PDSS2: variants seen among roughly 807,000 people sequenced by gnomAD.
PDSS2 encodes the protein decaprenyl diphosphate synthase subunit 2.
PDSS2 carries 31 observed loss-of-function variants against 44.5 expected under a neutral mutation model. The observed-to-expected ratio is 0.70, with a 90% CI of 0.52 to 0.94. The LOEUF (loss-of-function observed/expected upper bound fraction) is 0.94. PDSS2 is among the 40% of genes least tolerant of loss of function. The pLI, the probability that PDSS2 is intolerant of heterozygous loss-of-function variation, is 0.00. For synonymous variants in PDSS2, 157 were observed against 180.3 expected (o/e 0.87, Z 1.03); for missense variants, 452 against 482.2 (o/e 0.94, Z 0.59).
chr6:107,200,427 C>A (rs569221066), intron 6 of PDSS2, among the ~76,000 whole-genome samples: 1 of 152,226 alleles, frequency 6.6e-6, no homozygotes, highest in Non-Finnish European at 1.5e-5. Context: ...GGGTAGCTTG[C>A]GAAAAATGCA....
intron 1 of PDSS2, among the ~76,000 whole-genome samples, chr6:107,342,186 TAA>T (rs772609244): frequency 6.7e-5 from 9 of 134,618 alleles, no homozygotes; most frequent in Non-Finnish European, 8.0e-5. Flanking sequence ...AGAATAGTTC[TAA>T]AAAAAAAAAA....
chr6:107,348,280 G>A (rs1308334323), intron 1 of PDSS2, among the ~76,000 whole-genome samples: 1 of 152,210 alleles, frequency 6.6e-6, no homozygotes, highest in East Asian at 1.9e-4. Context: ...TCTTATAGGT[G>A]AGGCTTAGAG....
At chr6:107,344,928 A>G (rs895232282) in intron 1 of PDSS2, among the ~76,000 whole-genome samples, 1 of 152,184 alleles carries the variant, frequency 6.6e-6, no homozygotes, top group Non-Finnish European at 1.5e-5. Flanking sequence ...AGGGCCATTT[A>G]AAAAGTAATA....
intron 3 of PDSS2, among the ~76,000 whole-genome samples, chr6:107,258,201 T>G (rs891049323): frequency 2.6e-5 from 4 of 152,214 alleles, no homozygotes; most frequent in African/African-American, 9.6e-5. Context: ...TGCTTTAGAT[T>G]GCTGAAATAT....
intron 7 of PDSS2, among the ~76,000 whole-genome samples, chr6:107,169,860 C>T (rs1386416764): frequency 1.3e-5 from 2 of 152,112 alleles, no homozygotes; most frequent in African/African-American, 2.4e-5. Context: ...GAGGGGTACC[C>T]GGCCGTGTGA....
At chr6:107,256,098 C>A (rs1308722213) in intron 3 of PDSS2, among the ~76,000 whole-genome samples, 2 of 152,144 alleles carry the variant, frequency 1.3e-5, no homozygotes, top group Non-Finnish European at 2.9e-5. Flanking sequence ...TCAAGCAATT[C>A]TCCTGTTTCA....
intron 1 of PDSS2, among the ~76,000 whole-genome samples, chr6:107,392,612 A>G (rs1022504922): frequency 2.0e-5 from 3 of 152,236 alleles, no homozygotes; most frequent in Non-Finnish European, 4.4e-5. Flanking sequence ...TGCATAAACC[A>G]TGTCAAATAA....
chr6:107,344,530 C>G (rs1390551169), intron 1 of PDSS2, among the ~76,000 whole-genome samples: 1 of 152,180 alleles, frequency 6.6e-6, no homozygotes, highest in Non-Finnish European at 1.5e-5. Context: ...ATCCCACCTG[C>G]ATTAAATCCT....
chr6:107,447,109 G>A (rs184266394), intron 1 of PDSS2, among the ~76,000 whole-genome samples: 35 of 152,224 alleles, frequency 2.3e-4, no homozygotes, highest in East Asian at 1.2e-3. Flanking sequence ...TGAGACAGGC[G>A]GATCACGAGG....
At chr6:107,416,787 G>T (rs978609523) in intron 1 of PDSS2, among the ~76,000 whole-genome samples, 4 of 152,054 alleles carry the variant, frequency 2.6e-5, no homozygotes, top group African/African-American at 9.7e-5. Flanking sequence ...ATTTGCTAAA[G>T]GCAGAGACTA....
chr6:107,219,476 C>T (rs1434900535), intron 4 of PDSS2, among the ~76,000 whole-genome samples: 3 of 152,014 alleles, frequency 2.0e-5, no homozygotes, highest in South Asian at 2.1e-4. Context: ...TTAGTAGAGA[C>T]GATTTTCGCT....
At chr6:107,247,466 T>C (rs184150636) in intron 3 of PDSS2, among the ~76,000 whole-genome samples, 42 of 152,330 alleles carry the variant, frequency 2.8e-4, no homozygotes, top group African/African-American at 1.0e-3. Context: ...ATAAATGACC[T>C]GTACTTACAA....
chr6:107,241,082 C>G (rs1346428083), intron 4 of PDSS2, among the ~76,000 whole-genome samples: 3 of 151,648 alleles, frequency 2.0e-5, no homozygotes, highest in Admixed American at 2.0e-4. Context: ...AACCTCGTCT[C>G]TACTGAAAAT....
At chr6:107,334,056 C>A in intron 2 of PDSS2, 142 bp downstream of exon 2, 1 of 774,736 alleles carries the variant, frequency 1.3e-6, no homozygotes, top group South Asian at 1.5e-5. Context: ...TTATTATGAA[C>A]AATAAAAATC....
chr6:107,273,238 C>A (rs1476897195), intron 3 of PDSS2, among the ~76,000 whole-genome samples: 1 of 152,074 alleles, frequency 6.6e-6, no homozygotes, highest in East Asian at 1.9e-4. Flanking sequence ...CCTGCCTCGG[C>A]CTCCCAAAGT....
At chr6:107,394,134 C>A (rs533737169) in intron 1 of PDSS2, among the ~76,000 whole-genome samples, 2 of 152,164 alleles carry the variant, frequency 1.3e-5, no homozygotes, top group African/African-American at 2.4e-5. Flanking sequence ...TCGTTTCCTG[C>A]CTTCTTCTGG....
chr6:107,409,257 G>A (rs967174306), intron 1 of PDSS2, among the ~76,000 whole-genome samples: 2 of 152,118 alleles, frequency 1.3e-5, no homozygotes, highest in African/African-American at 4.8e-5. Context: ...AATGTCTGTT[G>A]TATCATCTTG....
intron 1 of PDSS2, among the ~76,000 whole-genome samples, chr6:107,415,448 C>T (rs1383997558): frequency 2.6e-5 from 4 of 152,036 alleles, no homozygotes; most frequent in African/African-American, 9.7e-5. Flanking sequence ...GTGTAAGATC[C>T]TTGTTCATAA....
intron 3 of PDSS2, among the ~76,000 whole-genome samples, chr6:107,266,106 A>G (rs1026643017): frequency 2.6e-5 from 4 of 152,212 alleles, no homozygotes; most frequent in African/African-American, 7.2e-5. Context: ...CTGAGATATA[A>G]CTTCACTTTC....
Sources: allele counts gnomAD v4.1 joint callset (sites outside exome capture counted in the v4.1 genomes callset), GRCh38; gene constraint gnomAD v4.1.1; transcripts MANE v1.5; gene names NCBI Gene and HGNC (gene_info 2026-07-23, HGNC 2026-07-21).